Variants in MYO1H observed in about 807,000 individuals in gnomAD.
MYO1H encodes myosin IH.
MYO1H carries 118 observed loss-of-function variants against 149.3 expected under a neutral mutation model. The ratio of observed to expected loss-of-function variants is 0.79; its 90% CI spans 0.68 to 0.92. MYO1H has a LOEUF of 0.92. Ranked by LOEUF, MYO1H falls within the 40% of genes least tolerant of loss-of-function variation. MYO1H has a pLI of 0.00. For synonymous variants in MYO1H, 447 were observed against 465.2 expected, an observed-to-expected ratio of 0.96 and a Z score of 0.50; for missense variants, 1,212 against 1,280.7, an observed-to-expected ratio of 0.95 and a Z score of 0.82.
chr12:109,335,785 A>G, the MYO1H span, among the ~76,000 whole-genome samples: 1 of 152,126 alleles, frequency 6.6e-6, no homozygotes, highest in Admixed American at 6.5e-5. Flanking sequence ...TTTCTTTCCA[A>G]TATTAGTGCC....
At chr12:109,357,575 T>G (rs1181715480) in intron 1 of MYO1H, among the ~76,000 whole-genome samples, 1 of 152,356 alleles carries the variant, frequency 6.6e-6, no homozygotes, top group East Asian at 1.9e-4. Context: ...TGTGTTCCAA[T>G]AAAACTTTAT....
chr12:109,424,973 T>C (rs1871303885), intron 17 of MYO1H, 145 bp downstream of exon 17: 1 of 658,698 alleles, frequency 1.5e-6, no homozygotes. Flanking sequence ...ACCTGTAATC[T>C]CACACCTGTA....
chr12:109,327,244 G>C, the MYO1H span, among the ~76,000 whole-genome samples: 3 of 146,364 alleles, frequency 2.0e-5, no homozygotes, highest in African/African-American at 5.1e-5. Context: ...GCAATTCTCT[G>C]CCTCAGCCTC....
exon 4 of MYO1H, chr12:109,396,581 A>C: frequency 1.2e-6 from 2 of 1,609,200 alleles, no homozygotes; most frequent in Non-Finnish European, 1.7e-6. Flanking sequence ...CCAGTGCTGG[A>C]GGTAAGCGAT....
chr12:109,325,360 G>A, the MYO1H span, among the ~76,000 whole-genome samples: 2 of 152,162 alleles, frequency 1.3e-5, no homozygotes, highest in African/African-American at 4.8e-5. Context: ...TTAATAAATG[G>A]TGCTGGGAAA....
chr12:109,322,452 G>C, the MYO1H span, among the ~76,000 whole-genome samples: 1 of 151,760 alleles, frequency 6.6e-6, no homozygotes, highest in Non-Finnish European at 1.5e-5. Flanking sequence ...TTTTCAGTGG[G>C]GTCACAGTTA....
Position 109,437,915 on chromosome 12 carries a change from C to G in MYO1H, c.2210-621C>G, listed in dbSNP as rs563784695. ...TCAGCCTGCCCAACATGGCGAAACC[C>G]CGTCTCTACTAAAAATACAAAAAAA... On this transcript the variant is annotated intron_variant, in intron 22 of 31. Coordinates refer to ENST00000310903, the Ensembl canonical transcript of MYO1H. 6.0e-5 allele frequency among the ~76,000 whole-genome samples: 9 copies of G among 150,996 alleles called. No homozygotes were observed. The South Asian group carries it at 1.9e-3, about 31-fold the overall frequency.
At chr12:109,328,850 A>G in the MYO1H span, among the ~76,000 whole-genome samples, 1 of 152,196 alleles carries the variant, frequency 6.6e-6, no homozygotes, top group Non-Finnish European at 1.5e-5. Context: ...ATATACAAAT[A>G]TCTTGTGGAA....
intron 1 of MYO1H, among the ~76,000 whole-genome samples, chr12:109,382,401 TGGAG>T (rs1324792471): frequency 2.6e-5 from 4 of 152,114 alleles, no homozygotes; most frequent in Non-Finnish European, 4.4e-5. Flanking sequence ...AAGAAAGAAA[TGGAG>T]GGAACCTATA....
chr12:109,445,677 C>A (rs1872450567), intron 31 of MYO1H, 65 bp downstream of exon 31: 2 of 1,551,210 alleles, frequency 1.3e-6, no homozygotes, highest in South Asian at 1.2e-5. Flanking sequence ...AAAGTTCTAC[C>A]AATTTCAGTC....
exon 2 of MYO1H, chr12:109,388,835 C>T (rs763554170): frequency 1.2e-6 from 2 of 1,609,550 alleles, no homozygotes; most frequent in South Asian, 2.2e-5. Flanking sequence ...TCAGCGAGAA[C>T]CTCATATACG....
the MYO1H span, among the ~76,000 whole-genome samples, chr12:109,327,844 A>T: frequency 2.0e-5 from 3 of 151,916 alleles, no homozygotes; most frequent in East Asian, 3.9e-4. Flanking sequence ...ACCTAAAAAT[A>T]TTCTGGTCAC....
At chr12:109,445,478 G>C in intron 30 of MYO1H, 35 bp from the exon 31 acceptor site, 1 of 1,472,464 alleles carries the variant, frequency 6.8e-7, no homozygotes, top group Non-Finnish European at 9.4e-7. Flanking sequence ...AGAAAATACA[G>C]TATGTCAGTA....
chr12:109,378,153 T>C lies in MYO1H; in HGVS notation c.13-10530T>C, dbSNP rs574530124. Among the ~76,000 whole-genome samples the C allele has an allele frequency of 6.9e-4, 105 of 152,274 alleles. 2 individuals are homozygous for C. The South Asian group carries it at 0.021, about 30-fold the overall frequency. ...ACTTGTTTTTAATATATTTGCAGAG[T>C]TGTGCAGTCATCACCACACCATGGA... On this transcript the variant is annotated intron_variant, in intron 1 of 31. Transcript: ENST00000310903.
intron 2 of MYO1H, 41 bp from the exon 3 acceptor site, chr12:109,393,290 A>G: frequency 8.0e-7 from 1 of 1,243,760 alleles, no homozygotes; most frequent in Non-Finnish European, 1.2e-6. Flanking sequence ...AGTCTTTTGC[A>G]CCCCAGAATT....
the MYO1H span, among the ~76,000 whole-genome samples, chr12:109,339,605 G>A: frequency 6.6e-6 from 1 of 152,120 alleles, no homozygotes; most frequent in South Asian, 2.1e-4. Context: ...CATGACAAAC[G>A]ACTAATTGCC....
chr12:109,404,055 T>C (rs775476360), exon 7 of MYO1H: 5 of 1,613,672 alleles, frequency 3.1e-6, no homozygotes, highest in South Asian at 1.1e-5. Context: ...TTTTCTGTCA[T>C]TGATTTTACT....
At chr12:109,347,157 C>T (rs2048105454), upstream of MYO1H, among the ~76,000 whole-genome samples, 1 of 152,196 alleles carries the variant, frequency 6.6e-6, no homozygotes, top group African/African-American at 2.4e-5. Flanking sequence ...TGTCCATACC[C>T]TTAGCCATGA....
intron 1 of MYO1H, among the ~76,000 whole-genome samples, chr12:109,385,722 CTT>C (rs372777925): frequency 6.6e-6 from 1 of 151,902 alleles, no homozygotes; most frequent in Non-Finnish European, 1.5e-5. Context: ...TTTTTTAAAA[CTT>C]TTTTTATGGA....
Sources: gnomAD v4.1 joint callset for allele counts (sites outside exome capture counted in the v4.1 genomes callset) on GRCh38, gnomAD v4.1.1 for gene constraint, MANE v1.5 for transcripts, NCBI Gene and HGNC (gene_info 2026-07-23, HGNC 2026-07-21) for gene names.